The following GRM1 variants were observed in gnomAD, a reference collection of about 807,000 sequenced individuals.
The protein encoded by GRM1 is glutamate metabotropic receptor 1, also known as metabotropic glutamate receptor 1.
A neutral mutation model predicts 90.9 loss-of-function variants in GRM1; 33 were observed. That is an observed-to-expected ratio of 0.36 (90% CI 0.28 to 0.49). The LOEUF is 0.49. Among genes scored for constraint, GRM1 ranks in the 20% least tolerant of loss-of-function variants. The probability of loss-of-function intolerance (pLI) is 0.99; values close to 1 mark genes in which losing one functional copy is unlikely to be tolerated. For synonymous variants in GRM1, 700 were observed against 613.2 expected, an observed-to-expected ratio of 1.14 and a Z score of -2.09; for missense variants, 1,190 against 1,534.3, an observed-to-expected ratio of 0.78 and a Z score of 3.75.
intron 3 of GRM1, among the ~76,000 whole-genome samples, chr6:146,338,483 C>T (rs1451568911): frequency 6.6e-6 from 1 of 152,238 alleles, no homozygotes; most frequent in Non-Finnish European, 1.5e-5. Flanking sequence ...ACATCCTTCT[C>T]AGGGCCTCTT....
chr6:146,032,190 G>T (rs1388600957), intron 1 of GRM1, among the ~76,000 whole-genome samples: 1 of 152,070 alleles, frequency 6.6e-6, no homozygotes, highest in Non-Finnish European at 1.5e-5. Context: ...TCTGCCTTCT[G>T]ATTGGTGTTG....
At chr6:146,321,435 G>A (rs1314543881) in intron 3 of GRM1, among the ~76,000 whole-genome samples, 1 of 152,208 alleles carries the variant, frequency 6.6e-6, no homozygotes, top group Non-Finnish European at 1.5e-5. Context: ...TGAGAAGAAT[G>A]TATATTCTGT....
chr6:146,288,924 G>A (rs929060281), intron 2 of GRM1, among the ~76,000 whole-genome samples: 3 of 152,162 alleles, frequency 2.0e-5, no homozygotes, highest in Non-Finnish European at 1.5e-5. Flanking sequence ...TTAGTACAAT[G>A]CACTGCTCAC....
intron 7 of GRM1, among the ~76,000 whole-genome samples, chr6:146,419,894 G>A (rs1025824500): frequency 4.6e-5 from 7 of 152,196 alleles, no homozygotes; most frequent in African/African-American, 1.7e-4. Context: ...GATGGGATTT[G>A]GGTGGGACAG....
intron 3 of GRM1, among the ~76,000 whole-genome samples, chr6:146,328,307 T>C (rs1361138839): frequency 6.6e-6 from 1 of 152,034 alleles, no homozygotes; most frequent in Non-Finnish European, 1.5e-5. Context: ...CACACACACA[T>C]ATACACACTG....
intron 7 of GRM1, among the ~76,000 whole-genome samples, chr6:146,419,946 C>A (rs1777929642): frequency 6.6e-6 from 1 of 152,038 alleles, no homozygotes; most frequent in South Asian, 2.1e-4. Flanking sequence ...TTGGGCTTGG[C>A]AGAGAATCAA....
At chr6:146,059,813 C>A (rs1291536819) in intron 1 of GRM1, among the ~76,000 whole-genome samples, 1 of 152,146 alleles carries the variant, frequency 6.6e-6, no homozygotes, top group African/African-American at 2.4e-5. Context: ...AAAATGGTTT[C>A]TTTCCTCAAG....
At chr6:146,354,062 T>A (rs1219964772) in intron 4 of GRM1, among the ~76,000 whole-genome samples, 1 of 152,210 alleles carries the variant, frequency 6.6e-6, no homozygotes, top group Non-Finnish European at 1.5e-5. Context: ...CTAAGTGGAT[T>A]CTCCCTGTTA....
In GRM1 at chr6:146,434,406, G is replaced by T. The variant is rs1212478522; in HGVS notation, c.3195G>T (p.Leu1065=). The T allele has an allele frequency of 6.2e-7, 1 of 1,613,464 alleles. No individual in the cohort carries two copies. Among genetic ancestry groups the T allele is most frequent in the East Asian group, 2.2e-5 (1 of 44,870 alleles). The part of the protein sequence containing the change: ...PGGPGNGLRS[L]YPPPPPPQHL... ...GTCCCGGGAACGGGCTGCGGTCCCT[G>T]TACCCGCCCCCGCCACCTCCGCAGC... is the stretch of plus-strand genomic sequence containing the variant. The change falls in exon 8 of 8, where the codon CTG becomes CTT. Residue 1065 remains leucine (L), a synonymous_variant. Transcript: ENST00000282753.
At chr6:146,422,264 A>T (rs1428289252) in intron 7 of GRM1, among the ~76,000 whole-genome samples, 1 of 152,238 alleles carries the variant, frequency 6.6e-6, no homozygotes, top group Non-Finnish European at 1.5e-5. Flanking sequence ...CAAATAAAAA[A>T]GTCTGGAAGA....
chr6:146,102,845 G>A (rs1777096421), intron 1 of GRM1, among the ~76,000 whole-genome samples: 1 of 152,098 alleles, frequency 6.6e-6, no homozygotes, highest in Non-Finnish European at 1.5e-5. Flanking sequence ...TAAAGAAACT[G>A]ATATTCAAAT....
At chr6:146,032,318 T>C (rs750077321) in intron 1 of GRM1, among the ~76,000 whole-genome samples, 2 of 152,172 alleles carry the variant, frequency 1.3e-5, no homozygotes, top group Non-Finnish European at 2.9e-5. Context: ...AGTTACACCA[T>C]TCACCTTGCC....
chr6:146,339,977 A>C (rs1448609165), intron 3 of GRM1, among the ~76,000 whole-genome samples: 1 of 152,252 alleles, frequency 6.6e-6, no homozygotes, highest in Non-Finnish European at 1.5e-5. Context: ...GTTTGAAAAC[A>C]ATCCACCAAG....
At chr6:146,388,424 GC>G (rs1776586846) in intron 6 of GRM1, among the ~76,000 whole-genome samples, 1 of 151,948 alleles carries the variant, frequency 6.6e-6, no homozygotes, top group Admixed American at 6.6e-5. Flanking sequence ...AAGAAATCAT[GC>G]AGTTTATTCA....
intron 4 of GRM1, among the ~76,000 whole-genome samples, chr6:146,353,905 TACA>T (rs1403458881): frequency 1.3e-5 from 2 of 152,224 alleles, no homozygotes; most frequent in Non-Finnish European, 2.9e-5. Context: ...GTGCTGGGAT[TACA>T]GGCGTGAGCC....
upstream of GRM1, among the ~76,000 whole-genome samples, chr6:146,028,618 T>G (rs1289746933): frequency 6.6e-6 from 1 of 151,950 alleles, no homozygotes; most frequent in Non-Finnish European, 1.5e-5. Context: ...CATACCAAAC[T>G]CCTCCATACG....
At chr6:146,404,196 G>T (rs1777254135) in intron 7 of GRM1, among the ~76,000 whole-genome samples, 1 of 151,284 alleles carries the variant, frequency 6.6e-6, no homozygotes, top group Admixed American at 6.6e-5. Flanking sequence ...ATTTGTGATA[G>T]AATTTTACTA....
At chr6:146,238,646 A>C (rs1451437175) in intron 2 of GRM1, among the ~76,000 whole-genome samples, 2 of 152,096 alleles carry the variant, frequency 1.3e-5, no homozygotes, top group African/African-American at 4.8e-5. Flanking sequence ...TATATCCTTA[A>C]TTATTCCTGT....
At chr6:146,247,980 G>A (rs950040763) in intron 2 of GRM1, among the ~76,000 whole-genome samples, 2 of 151,414 alleles carry the variant, frequency 1.3e-5, no homozygotes, top group Non-Finnish European at 2.9e-5. Context: ...TACTAAGAAT[G>A]AAAGAACCTC....
Sources: allele counts gnomAD v4.1 joint callset (sites outside exome capture counted in the v4.1 genomes callset), GRCh38; gene constraint gnomAD v4.1.1; transcripts MANE v1.5; gene names NCBI Gene and HGNC (gene_info 2026-07-23, HGNC 2026-07-21).